Variants in CPNE8 observed in about 807,000 individuals in gnomAD.
The protein encoded by CPNE8 is copine-8.
CPNE8 carries 45 observed loss-of-function variants against 81.5 expected under a neutral mutation model. That is an observed-to-expected ratio of 0.55 (90% CI 0.44 to 0.71). The LOEUF (loss-of-function observed/expected upper bound fraction) is 0.71. CPNE8 is among the 30% of genes least tolerant of loss of function. CPNE8 has a pLI of 0.00. For synonymous variants in CPNE8, 252 were observed against 226.3 expected, an observed-to-expected ratio of 1.11 and a Z score of -1.02; for missense variants, 594 against 672.1, an observed-to-expected ratio of 0.88 and a Z score of 1.28.
At chr12:38,746,118 G>C (rs1037982442) in intron 10 of CPNE8, among the ~76,000 whole-genome samples, 1 of 152,048 alleles carries the variant, frequency 6.6e-6, no homozygotes, top group African/African-American at 2.4e-5. Flanking sequence ...TATAGAAAGA[G>C]GTCAAGGTAT....
chr12:38,905,396 A>G (rs1468499692), intron 1 of CPNE8, 41 bp downstream of exon 1: 2 of 1,543,684 alleles, frequency 1.3e-6, no homozygotes, highest in Admixed American at 2.0e-5. Context: ...CCAACCCCAC[A>G]GATGAGAGGG....
intron 1 of CPNE8, among the ~76,000 whole-genome samples, chr12:38,894,822 T>C (rs1944366639): frequency 6.6e-6 from 1 of 152,054 alleles, no homozygotes; most frequent in Non-Finnish European, 1.5e-5. Flanking sequence ...TACATTTAGA[T>C]AAAAGAGTAC....
intron 11 of CPNE8, among the ~76,000 whole-genome samples, chr12:38,727,933 A>G (rs751560769): frequency 4.6e-5 from 7 of 152,188 alleles, no homozygotes; most frequent in Non-Finnish European, 1.0e-4. Flanking sequence ...TTGTTGGAGC[A>G]TATAAGGAGT....
intron 6 of CPNE8, among the ~76,000 whole-genome samples, chr12:38,815,967 C>T (rs954697362): frequency 2.6e-5 from 4 of 152,120 alleles, no homozygotes; most frequent in African/African-American, 9.7e-5. Flanking sequence ...TTACATACCA[C>T]ATATGTCAAA....
chr12:38,903,765 G>T (rs1039475580), intron 1 of CPNE8, among the ~76,000 whole-genome samples: 7 of 152,120 alleles, frequency 4.6e-5, no homozygotes, highest in African/African-American at 1.7e-4. Flanking sequence ...AAGCTTCAGA[G>T]AAAAGAAAAA....
At chr12:38,722,877 C>T (rs1225877674) in intron 13 of CPNE8, among the ~76,000 whole-genome samples, 1 of 152,038 alleles carries the variant, frequency 6.6e-6, no homozygotes, top group African/African-American at 2.4e-5. Flanking sequence ...CCATGCTGTT[C>T]TCATGATAGT....
At chr12:38,824,553 T>C (rs1943158494) in intron 6 of CPNE8, among the ~76,000 whole-genome samples, 1 of 147,606 alleles carries the variant, frequency 6.8e-6, no homozygotes, top group Non-Finnish European at 1.5e-5. Flanking sequence ...TAATTTAAGT[T>C]AGGCCATTTA....
intron 4 of CPNE8, among the ~76,000 whole-genome samples, chr12:38,848,156 C>T (rs1943586785): frequency 6.6e-6 from 1 of 152,036 alleles, no homozygotes; most frequent in Non-Finnish European, 1.5e-5. Flanking sequence ...ACAAGGCTAC[C>T]AAGGGATGAA....
At chr12:38,835,258 A>C (rs1943361372) in intron 5 of CPNE8, among the ~76,000 whole-genome samples, 1 of 152,004 alleles carries the variant, frequency 6.6e-6, no homozygotes, top group Admixed American at 6.6e-5. Context: ...CTAGATTTTC[A>C]ATCATTCCCT....
At chr12:38,790,204 C>T (rs1318865552) in intron 6 of CPNE8, among the ~76,000 whole-genome samples, 2 of 151,442 alleles carry the variant, frequency 1.3e-5, no homozygotes, top group South Asian at 2.1e-4. Flanking sequence ...TGGAAAACCA[C>T]GTAGAATAGA....
At chr12:38,773,664 T>C (rs1278040192) in intron 7 of CPNE8, among the ~76,000 whole-genome samples, 1 of 152,152 alleles carries the variant, frequency 6.6e-6, no homozygotes, top group Non-Finnish European at 1.5e-5. Context: ...AAAATGTAGA[T>C]TTTTATGATG....
intron 1 of CPNE8, among the ~76,000 whole-genome samples, chr12:38,880,558 A>G (rs183918474): frequency 1.8e-4 from 28 of 152,284 alleles, no homozygotes; most frequent in Admixed American, 1.6e-3. Context: ...GTGTCACTGA[A>G]CCATGCCCAC....
intron 6 of CPNE8, among the ~76,000 whole-genome samples, chr12:38,802,251 G>C (rs375812587): frequency 7.2e-5 from 2 of 27,860 alleles, no homozygotes; most frequent in East Asian, 7.1e-4. Context: ...TGACCACATA[G>C]TTGGAAGTAA....
intron 6 of CPNE8, among the ~76,000 whole-genome samples, chr12:38,785,352 A>G (rs1592086134): frequency 6.6e-6 from 1 of 150,950 alleles, no homozygotes; most frequent in Non-Finnish European, 1.5e-5. Flanking sequence ...TAAAAAATTA[A>G]CCAATAAAAA....
chr12:38,796,734 A>G (rs1942485901), intron 6 of CPNE8, among the ~76,000 whole-genome samples: 1 of 152,146 alleles, frequency 6.6e-6, no homozygotes, highest in Non-Finnish European at 1.5e-5. Context: ...AAGCCAAAGC[A>G]GGGTGAGGAA....
At chr12:38,846,537 C>T (rs1398525629) in intron 4 of CPNE8, among the ~76,000 whole-genome samples, 2 of 152,082 alleles carry the variant, frequency 1.3e-5, no homozygotes, top group Non-Finnish European at 2.9e-5. Flanking sequence ...TTTAGGGTTA[C>T]ATTGGACCGG....
At chr12:38,795,331 T>C (rs542143445) in intron 6 of CPNE8, among the ~76,000 whole-genome samples, 4 of 152,292 alleles carry the variant, frequency 2.6e-5, no homozygotes, top group East Asian at 3.9e-4. Flanking sequence ...CCTTAAAAAA[T>C]TAAAAGTAGA....
At chr12:38,894,345 T>A (rs987059835) in intron 1 of CPNE8, among the ~76,000 whole-genome samples, 4 of 152,242 alleles carry the variant, frequency 2.6e-5, no homozygotes, top group South Asian at 2.1e-4. Context: ...CCCAAAAAAA[T>A]TTTTTTAATT....
chr12:38,764,448 T>C (rs568590116), intron 8 of CPNE8, among the ~76,000 whole-genome samples: 1 of 150,096 alleles, frequency 6.7e-6, no homozygotes, highest in South Asian at 2.1e-4. Context: ...AAACCCCGTC[T>C]CTACTAAAAA....
Sources: allele counts gnomAD v4.1 joint callset (sites outside exome capture counted in the v4.1 genomes callset), GRCh38; gene constraint gnomAD v4.1.1; transcripts MANE v1.5; gene names NCBI Gene and HGNC (gene_info 2026-07-23, HGNC 2026-07-21).